CCDC47: variants seen among roughly 807,000 people sequenced by gnomAD.
CCDC47 encodes the protein coiled-coil domain containing 47, also known as PAT complex subunit CCDC47.
CCDC47 carries 41 observed loss-of-function variants against 60.5 expected under a neutral mutation model. That is an observed-to-expected ratio of 0.68 (90% CI 0.53 to 0.88). CCDC47 has a LOEUF of 0.88. Among genes scored for constraint, CCDC47 ranks in the 40% least tolerant of loss-of-function variants. The probability of loss-of-function intolerance (pLI) is 0.00; values close to 1 mark genes in which losing one functional copy is unlikely to be tolerated. For missense variants in CCDC47, 513 were observed against 580.9 expected, an observed-to-expected ratio of 0.88 and a Z score of 1.20; for synonymous variants, 195 against 190.7, an observed-to-expected ratio of 1.02 and a Z score of -0.18.
At chr17:63,759,937 G>A (rs1327028867) in intron 6 of CCDC47, among the ~76,000 whole-genome samples, 4 of 151,510 alleles carry the variant, frequency 2.6e-5, no homozygotes, top group African/African-American at 9.7e-5. Flanking sequence ...GGTGGCGGAC[G>A]CCTGTAGTCC....
In CCDC47 at chr17:63,745,963, AAGATAAAAGC is replaced by A. The variant is rs2039117452; in HGVS notation, c.*908_*917del. 6.6e-6 allele frequency: 1 copy of A among 152,268 alleles called. No individual in the cohort carries two copies. The highest frequency in any genetic ancestry group is 6.5e-5 in the Admixed American group (1 of 15,282). The allele number at this position is 152,268 out of a possible 1,614,324, so 9.4% of individuals were successfully genotyped here. A position where few individuals can be genotyped will look rare whatever the true frequency, so the allele number is the denominator to read the frequency against. On this transcript the variant is annotated 3_prime_UTR_variant, in exon 13 of 13. Coordinates refer to ENST00000225726, the MANE Select transcript of CCDC47 (RefSeq NM_020198.3). ...AACATACCCAGCCTCAACTGTGGAA[AAGATAAAAGC>A]AGAGGGAGAAGCAACGGCACACAGC...
At chr17:63,762,662 G>T in intron 4 of CCDC47, among the ~76,000 whole-genome samples, 1 of 152,140 alleles carries the variant, frequency 6.6e-6, no homozygotes, top group East Asian at 1.9e-4. Context: ...CAACTACAGA[G>T]GTTCCTTGAA....
rs1389452874 is a variant in CCDC47 at position 63,746,249 on chromosome 17, G to A, written c.*632C>T. 6.6e-6 allele frequency: 1 copy of A among 152,216 alleles called. No individual in the cohort carries two copies. The highest frequency in any genetic ancestry group is 1.5e-5 in the Non-Finnish European group (1 of 68,052). The allele number at this position is 152,216 out of a possible 1,614,324, so 9.4% of individuals were successfully genotyped here. On this transcript the variant is annotated 3_prime_UTR_variant, in exon 13 of 13. Coordinates refer to ENST00000225726, the MANE Select transcript of CCDC47 (RefSeq NM_020198.3). ...CCTAGAATTTTCCATGTACATGTCA[G>A]TATCCTAATGCCTACAGACTTCCTA...
intron 6 of CCDC47, among the ~76,000 whole-genome samples, chr17:63,759,551 A>T (rs1365286163): frequency 2.9e-5 from 2 of 69,916 alleles, no homozygotes; most frequent in Admixed American, 1.8e-4. Flanking sequence ...ATATATATAT[A>T]TATATATATA....
rs1001977053 is a variant in CCDC47, at chr17:63,753,038, C to T, written c.1035-239G>A. 3.4e-5 allele frequency: 20 copies of T among 581,814 alleles called. No homozygotes were observed. The African/African-American group carries it at 3.4e-4, about 10-fold the overall frequency. The allele number at this position is 581,814 out of a possible 1,614,324, so 36.0% of individuals were successfully genotyped here. ...ATATTTGAACACCTCCAGTGATGTT[C>T]CCTCCAGGCAAGGGTATATTCCATC... is the stretch of plus-strand genomic sequence containing the variant. On this transcript the variant is annotated intron_variant, in intron 9 of 12. Transcript: ENST00000225726.
rs1042177264 is a variant in CCDC47 at position 63,756,453 on chromosome 17, G to A, written c.837+16C>T. ...CACAGTTCTACGTATATTTGAGTTG[G>A]AGCAACCTGACATACCAAATCCTGC... On this transcript the variant is annotated intron_variant, in intron 7 of 12. Transcript: ENST00000225726. 1 of 1,608,290 alleles carries A rather than the reference G, an allele frequency of 6.2e-7. No individual in the cohort carries two copies. Among genetic ancestry groups the A allele is most frequent in the Non-Finnish European group, 8.5e-7 (1 of 1,174,722 alleles).
intron 2 of CCDC47, 95 bp from the exon 3 acceptor site, chr17:63,764,942 G>A (rs889870915): frequency 2.6e-6 from 4 of 1,518,604 alleles, no homozygotes; most frequent in Non-Finnish European, 3.5e-6. Flanking sequence ...AAACAAGAAC[G>A]TGTAAGCAGC....
chr17:63,764,586 G>A (rs532318210), intron 3 of CCDC47, among the ~76,000 whole-genome samples, 154 bp downstream of exon 3: 2 of 151,734 alleles, frequency 1.3e-5, no homozygotes, highest in African/African-American at 4.8e-5. Context: ...TTGAGACGGA[G>A]AGGTGTTGAT....
intron 8 of CCDC47, 80 bp from the exon 9 acceptor site, chr17:63,754,598 A>G: frequency 7.8e-6 from 7 of 900,152 alleles, no homozygotes; most frequent in Non-Finnish European, 8.7e-6. Flanking sequence ...TCACTCTTTG[A>G]GATGGTGCAA....
intron 1 of CCDC47, among the ~76,000 whole-genome samples, chr17:63,770,169 GC>G (rs1303717194): frequency 1.3e-5 from 2 of 151,904 alleles, no homozygotes; most frequent in Non-Finnish European, 2.9e-5. Context: ...CACCATGTTG[GC>G]CAGGTTGGTC....
At chr17:63,751,063 A>C (rs2039160207) in intron 12 of CCDC47, among the ~76,000 whole-genome samples, 1 of 148,726 alleles carries the variant, frequency 6.7e-6, no homozygotes, top group Admixed American at 6.7e-5. Flanking sequence ...TTTTACTAGT[A>C]GAGACAAGGT....
intron 6 of CCDC47, among the ~76,000 whole-genome samples, chr17:63,758,854 A>T (rs2144484417): frequency 6.6e-6 from 1 of 152,334 alleles, no homozygotes; most frequent in East Asian, 1.9e-4. Flanking sequence ...CATTGATGGG[A>T]AATTACACAA....
At chr17:63,756,815 G>A (rs2039211196) in intron 6 of CCDC47, among the ~76,000 whole-genome samples, 1 of 152,136 alleles carries the variant, frequency 6.6e-6, no homozygotes, top group Admixed American at 6.6e-5. Flanking sequence ...ACTTAATCAA[G>A]CAAGTCCTTA....
chr17:63,753,630 C>T (rs1222540223), intron 9 of CCDC47: 1 of 982,530 alleles, frequency 1.0e-6, no homozygotes, highest in East Asian at 1.1e-4. Flanking sequence ...TGAATATGTA[C>T]TCCTGAACAG....
chr17:63,769,612 T>TCA (rs1320151032), intron 1 of CCDC47, among the ~76,000 whole-genome samples: 3 of 47,944 alleles, frequency 6.3e-5, no homozygotes, highest in Non-Finnish European at 1.1e-4. Context: ...AAACTCCATC[T>TCA]CAAAAAAAAA....
At chr17:63,772,748 T>C (rs1353485590) in intron 1 of CCDC47, 1 of 152,196 alleles carries the variant, frequency 6.6e-6, no homozygotes, top group Non-Finnish European at 1.5e-5. Context: ...CAAGGTTATT[T>C]AGGTTACAAT....
At chr17:63,755,322 T>C in intron 8 of CCDC47, 8 of 984,748 alleles carry the variant, frequency 8.1e-6, no homozygotes, top group Non-Finnish European at 9.6e-6. Context: ...CTCTTTAGAA[T>C]TAAAGTAGTA....
At chr17:63,751,896 T>C (rs534605166) in intron 12 of CCDC47, 44 bp downstream of exon 12, 1 of 1,603,788 alleles carries the variant, frequency 6.2e-7, no homozygotes, top group Non-Finnish European at 8.5e-7. Flanking sequence ...CAAGCAGTCA[T>C]CCTTACAAAT....
rs2039122995 is a variant in CCDC47 at position 63,746,696 on chromosome 17, C to CT, written c.*184dup. On this transcript the variant is annotated 3_prime_UTR_variant, in exon 13 of 13. Coordinates refer to ENST00000225726, the MANE Select transcript of CCDC47 (RefSeq NM_020198.3). Reference sequence around the variant, plus strand: ...AAAAAAAAATTCTTGAAACAGAGCCCTTTCCAGGTATCTTCAATCTCTGTA... The same window carrying CT: ...AAAAAAAAATTCTTGAAACAGAGCCCTTTTCCAGGTATCTTCAATCTCTGTA... The CT allele has an allele frequency of 2.2e-6, 1 of 459,758 alleles. No homozygotes were observed. Among genetic ancestry groups the CT allele is most frequent in the Admixed American group, 3.8e-5 (1 of 26,660 alleles). The allele number at this position is 459,758 out of a possible 1,614,324, so 28.5% of individuals were successfully genotyped here.
Sources: allele counts gnomAD v4.1 joint callset (sites outside exome capture counted in the v4.1 genomes callset), GRCh38; gene constraint gnomAD v4.1.1; transcripts MANE v1.5; gene names NCBI Gene and HGNC (gene_info 2026-07-23, HGNC 2026-07-21).